Variants in NAALADL2 observed in about 807,000 individuals in gnomAD.
NAALADL2 encodes N-acetylated alpha-linked acidic dipeptidase like 2, also known as inactive N-acetylated-alpha-linked acidic dipeptidase-like protein 2.
A neutral mutation model predicts 87.2 loss-of-function variants in NAALADL2; 76 were observed. The observed-to-expected ratio is 0.87, with a 90% CI of 0.72 to 1.05. NAALADL2 has a LOEUF of 1.05. Among genes scored for constraint, NAALADL2 ranks in the 50% least tolerant of loss-of-function variants. The pLI is 0.00. For synonymous variants in NAALADL2, 354 were observed against 331.0 expected, an observed-to-expected ratio of 1.07 and a Z score of -0.75; for missense variants, 1,089 against 945.8, an observed-to-expected ratio of 1.15 and a Z score of -1.99.
At chr3:175,469,599 A>G (rs890651975) in intron 8 of NAALADL2, among the ~76,000 whole-genome samples, 6 of 152,114 alleles carry the variant, frequency 3.9e-5, no homozygotes, top group South Asian at 2.1e-4. Context: ...CATTTTGCTA[A>G]ATAGGTTCTA....
At position 175,600,762 on chromosome 3, in the gene NAALADL2, C is replaced by T. The variant is rs376479602; in HGVS notation, c.1800+24575C>T. 9.0e-3 allele frequency among the ~76,000 whole-genome samples: 1,365 copies of T among 151,928 alleles called. 22 individuals are homozygous for T. Among genetic ancestry groups the T allele is most frequent in the African/African-American group, 0.032 (1,315 of 41,450 alleles). ...CCGTGTTAGCCAGGATGGTCTCGATCTCCTGACCTCGTGATCCGCCCGCCT... is the reference window on the plus strand; with the variant it reads ...CCGTGTTAGCCAGGATGGTCTCGATTTCCTGACCTCGTGATCCGCCCGCCT... On this transcript the variant is annotated intron_variant, in intron 10 of 13. Coordinates refer to ENST00000454872, the MANE Select transcript of NAALADL2 (RefSeq NM_207015.3).
rs768356091 is a variant in NAALADL2 at position 175,576,046 on chromosome 3, T to C, written c.1659T>C (p.Asn553=). 6.2e-7 allele frequency: 1 copy of C among 1,609,618 alleles called. No individual in the cohort carries two copies. Among genetic ancestry groups the C allele is most frequent in the Non-Finnish European group, 8.5e-7 (1 of 1,178,402 alleles). ...PSLQQLVVEK[N]NFNCTRRAQC... ...ATTTAAATTATGTTTTTCAGAAAAA[T>C]AATTTCAACTGTACCAGAAGAGCCC... The change falls in exon 10 of 14, where the codon AAT becomes AAC. Residue 553 remains asparagine (N), a synonymous_variant. Coordinates refer to ENST00000454872, the MANE Select transcript of NAALADL2 (RefSeq NM_207015.3).
chr3:175,700,924 G>C (rs1738903970), intron 11 of NAALADL2, among the ~76,000 whole-genome samples: 1 of 152,086 alleles, frequency 6.6e-6, no homozygotes, highest in South Asian at 2.1e-4. Flanking sequence ...GAACCATCAA[G>C]AAAATTTTAG....
intron 2 of NAALADL2, among the ~76,000 whole-genome samples, chr3:175,133,993 G>T (rs1728684686): frequency 6.6e-6 from 1 of 152,176 alleles, no homozygotes; most frequent in African/African-American, 2.4e-5. Context: ...TAATTCCCCA[G>T]ATAATCATCT....
intron 4 of NAALADL2, among the ~76,000 whole-genome samples, chr3:175,275,164 G>T (rs905081624): frequency 6.6e-6 from 1 of 152,068 alleles, no homozygotes; most frequent in Admixed American, 6.6e-5. Flanking sequence ...ACAATGGGGG[G>T]TAGAAATAAA....
intron 13 of NAALADL2, among the ~76,000 whole-genome samples, chr3:175,775,931 C>T (rs1750172742): frequency 6.6e-6 from 1 of 152,116 alleles, no homozygotes; most frequent in South Asian, 2.1e-4. Context: ...TTAACTGAGC[C>T]AGCTACAGGA....
At chr3:175,780,905 T>C (rs35162339) in intron 13 of NAALADL2, among the ~76,000 whole-genome samples, 22,542 of 152,204 alleles carry the variant, frequency 0.15, 2,123 homozygotes, top group East Asian at 0.26. Flanking sequence ...TTCCTTGCTA[T>C]GTGTTCCTTG....
chr3:175,396,904 A>C (rs1560486923), intron 5 of NAALADL2, among the ~76,000 whole-genome samples: 1 of 151,964 alleles, frequency 6.6e-6, no homozygotes, highest in African/African-American at 2.4e-5. Context: ...GGCCTCCCCA[A>C]CCCTGCAGAA....
intron 11 of NAALADL2, among the ~76,000 whole-genome samples, chr3:175,687,211 T>C (rs537054812): frequency 7.2e-5 from 11 of 152,080 alleles, no homozygotes; most frequent in Non-Finnish European, 1.6e-4. Flanking sequence ...GGTAATAAAG[T>C]GGGTTTTGCA....
At chr3:174,805,152 A>G (rs7619062) in intron 3 of NAALADL2, among the ~76,000 whole-genome samples, 71,056 of 151,866 alleles carry the variant, frequency 0.47, 16,907 homozygotes, top group African/African-American at 0.54. Context: ...TTACTCTGGG[A>G]ATCTTTTATG....
chr3:175,762,210 A>C (rs144090718), intron 13 of NAALADL2, among the ~76,000 whole-genome samples: 1,205 of 7,344 alleles, frequency 0.16, 18 homozygotes, highest in African/African-American at 0.33. Flanking sequence ...TTTTTTTTGC[A>C]TGTAGATGTC....
intron 11 of NAALADL2, among the ~76,000 whole-genome samples, chr3:175,697,198 C>T (rs936692501): frequency 2.0e-5 from 3 of 152,052 alleles, no homozygotes; most frequent in East Asian, 3.9e-4. Context: ...CTAGAGGTAG[C>T]GTATAACTTT....
At chr3:174,509,996 A>G (rs376413979) in intron 1 of NAALADL2, among the ~76,000 whole-genome samples, 1 of 151,980 alleles carries the variant, frequency 6.6e-6, no homozygotes, top group Admixed American at 6.6e-5. Flanking sequence ...ATCTGTTGAG[A>G]TGATCATTTT....
chr3:174,487,430 T>A lies in NAALADL2; in HGVS notation c.-184+46398T>A, dbSNP rs571130125. The stretch of plus-strand genomic sequence containing the variant: ...ATTCAGAGAAAAGTAATACTTGGGC[T>A]TTGGTCTAATAGAGCATGAAGTCTA... On this transcript the variant is annotated intron_variant, in intron 1 of 3. Transcript: ENST00000434257. Among the ~76,000 whole-genome samples the A allele has an allele frequency of 1.2e-4, 18 of 152,158 alleles. No homozygotes were observed. In the South Asian group the frequency reaches 3.7e-3, roughly 31 times the overall value.
intron 3 of NAALADL2, among the ~76,000 whole-genome samples, chr3:174,798,074 G>A (rs564251846): frequency 2.0e-4 from 31 of 152,124 alleles, no homozygotes; most frequent in South Asian, 6.2e-4. Context: ...TCTAACATGC[G>A]GATATTGTTC....
intron 4 of NAALADL2, among the ~76,000 whole-genome samples, chr3:175,267,695 T>C (rs1581194156): frequency 6.6e-6 from 1 of 152,024 alleles, no homozygotes; most frequent in East Asian, 1.9e-4. Flanking sequence ...CTGACATGAG[T>C]GGTCTTCATG....
chr3:174,695,856 G>T (rs1351695844), intron 2 of NAALADL2, among the ~76,000 whole-genome samples: 1 of 151,736 alleles, frequency 6.6e-6, no homozygotes, highest in Admixed American at 6.6e-5. Context: ...ATCATAGCCT[G>T]CAAAAGTAAC....
At chr3:174,968,445 G>A (rs1428890431) in intron 1 of NAALADL2, among the ~76,000 whole-genome samples, 6 of 152,082 alleles carry the variant, frequency 3.9e-5, no homozygotes, top group Non-Finnish European at 1.5e-5. Context: ...CAACTAGTAA[G>A]TAGCTGGAAA....
chr3:174,791,976 AGG>A (rs1717507693), intron 3 of NAALADL2, among the ~76,000 whole-genome samples: 1 of 152,182 alleles, frequency 6.6e-6, no homozygotes, highest in Non-Finnish European at 1.5e-5. Flanking sequence ...TGGGAGGCCA[AGG>A]CAGGTGGATC....
Sources: allele counts gnomAD v4.1 joint callset (sites outside exome capture counted in the v4.1 genomes callset), GRCh38; gene constraint gnomAD v4.1.1; transcripts MANE v1.5; gene names NCBI Gene and HGNC (gene_info 2026-07-23, HGNC 2026-07-21).